Variants in EVA1C observed in about 807,000 individuals in gnomAD.
EVA1C encodes protein eva-1 homolog C.
Under a neutral mutation model 45.4 loss-of-function variants are expected in EVA1C, and 25 were observed. The observed-to-expected ratio is 0.55, with a 90% CI of 0.40 to 0.77. The LOEUF (loss-of-function observed/expected upper bound fraction) is 0.77. Among genes scored for constraint, EVA1C ranks in the 30% least tolerant of loss-of-function variants. The probability of loss-of-function intolerance (pLI) is 0.00; values close to 1 mark genes in which losing one functional copy is unlikely to be tolerated. For synonymous variants in EVA1C, 190 were observed against 221.2 expected, an observed-to-expected ratio of 0.86 and a Z score of 1.25; for missense variants, 479 against 554.8, an observed-to-expected ratio of 0.86 and a Z score of 1.37.
At chr21:32,468,875 A>T (rs2036276460) in intron 4 of EVA1C, among the ~76,000 whole-genome samples, 1 of 152,134 alleles carries the variant, frequency 6.6e-6, no homozygotes, top group African/African-American at 2.4e-5. Context: ...GTTGACACTC[A>T]CTATTAACCA....
At chr21:32,511,419 C>CAAAAAAAAAAAAA (rs749141703) in intron 7 of EVA1C, among the ~76,000 whole-genome samples, 7 of 47,546 alleles carry the variant, frequency 1.5e-4, no homozygotes, top group East Asian at 6.3e-4. Flanking sequence ...AACTCCGTCT[C>CAAAAAAAAAAAAA]AAAAAAAAAA....
intron 1 of EVA1C, among the ~76,000 whole-genome samples, chr21:32,446,165 C>T (rs542780063): frequency 2.1e-4 from 32 of 152,108 alleles, no homozygotes; most frequent in Non-Finnish European, 3.8e-4. Context: ...ATTGCTTGAA[C>T]CTGGGAGGCG....
In EVA1C at chr21:32,502,775, C is replaced by G. The variant is rs549928543; in HGVS notation, c.860-1151C>G. Among the ~76,000 whole-genome samples the G allele has an allele frequency of 2.0e-5, 3 of 152,256 alleles. No homozygotes were observed. The East Asian group carries it at 5.8e-4, about 29-fold the overall frequency. ...GTGTTCCTTAGCTCCTCTTCTCTTT[C>G]TTTTAACTAATTAATTAACTATTAT... is the stretch of plus-strand genomic sequence containing the variant. On this transcript the variant is annotated intron_variant, in intron 6 of 7. Transcript: ENST00000300255.
intron 1 of EVA1C, among the ~76,000 whole-genome samples, chr21:32,443,914 C>A (rs1046405570): frequency 2.0e-5 from 3 of 152,100 alleles, no homozygotes; most frequent in Non-Finnish European, 4.4e-5. Context: ...TGACTTCATA[C>A]CATGGGTGAC....
At chr21:32,480,703 C>T (rs995594899) in intron 4 of EVA1C, among the ~76,000 whole-genome samples, 14 of 152,054 alleles carry the variant, frequency 9.2e-5, no homozygotes, top group African/African-American at 2.4e-4. Flanking sequence ...TGGCTCACGC[C>T]TATAATCCCA....
intron 7 of EVA1C, among the ~76,000 whole-genome samples, chr21:32,510,310 C>T (rs1438748791): frequency 6.6e-6 from 1 of 152,104 alleles, no homozygotes; most frequent in Non-Finnish European, 1.5e-5. Context: ...CCACCTCAGC[C>T]TCCCAAACTG....
intron 1 of EVA1C, among the ~76,000 whole-genome samples, chr21:32,418,718 G>A (rs1031285009): frequency 2.0e-5 from 3 of 151,624 alleles, no homozygotes; most frequent in Non-Finnish European, 4.4e-5. Context: ...TGGGGACTTC[G>A]CCTGCAAGGG....
intron 1 of EVA1C, among the ~76,000 whole-genome samples, chr21:32,451,217 A>G (rs1165875688): frequency 6.6e-6 from 1 of 152,160 alleles, no homozygotes; most frequent in Non-Finnish European, 1.5e-5. Context: ...CACACAGGTC[A>G]TCGAGCAGGA....
Position 32,499,951 on chromosome 21 carries a change from G to A in EVA1C, c.779-1464G>A, listed in dbSNP as rs2037473974. ...TCTGAAACCACCTTCAGAGGAGTCG[G>A]TCACGCTGCCATCCTCTCTGCATCT... On this transcript the variant is annotated intron_variant, in intron 5 of 7. Coordinates refer to ENST00000300255, the MANE Select transcript of EVA1C (RefSeq NM_058187.5). 3.3e-5 allele frequency among the ~76,000 whole-genome samples: 5 copies of A among 152,150 alleles called. No homozygotes were observed. The South Asian group carries it at 1.0e-3, about 32-fold the overall frequency.
intron 4 of EVA1C, among the ~76,000 whole-genome samples, chr21:32,475,571 C>T (rs2036525794): frequency 1.3e-5 from 2 of 150,420 alleles, no homozygotes; most frequent in Admixed American, 1.3e-4. Flanking sequence ...CCTTATTTTC[C>T]TTTGCTTTAT....
rs371228766 is a variant in EVA1C at position 32,515,291 on chromosome 21, C to T, written c.*101C>T. The T allele has an allele frequency of 2.7e-5, 35 of 1,312,456 alleles. No homozygotes were observed. Among genetic ancestry groups the T allele is most frequent in the East Asian group, 1.9e-4 (8 of 42,586 alleles). The allele number at this position is 1,312,456 out of a possible 1,614,324, so 81.3% of individuals were successfully genotyped here. Reference sequence around the variant, plus strand: ...CCTGTACCTTCTATGAAGGAGAATTCGTCATGTCATTCAACACTCGTGAGG... The same window carrying T: ...CCTGTACCTTCTATGAAGGAGAATTTGTCATGTCATTCAACACTCGTGAGG... On this transcript the variant is annotated 3_prime_UTR_variant, in exon 8 of 8. Transcript: ENST00000300255.
chr21:32,510,769 T>A (rs2146472632), intron 7 of EVA1C, among the ~76,000 whole-genome samples: 1 of 152,326 alleles, frequency 6.6e-6, no homozygotes, highest in African/African-American at 2.4e-5. Context: ...ATGCCATGGC[T>A]CACACCTGTA....
intron 4 of EVA1C, among the ~76,000 whole-genome samples, chr21:32,470,551 G>A (rs559518032): frequency 7.9e-5 from 12 of 152,290 alleles, no homozygotes; most frequent in African/African-American, 2.6e-4. Context: ...GTTGACTTGT[G>A]AGCTCCTGAA....
chr21:32,510,043 CTTTTTTTT>C (rs58017017), intron 7 of EVA1C, among the ~76,000 whole-genome samples: 11 of 114,522 alleles, frequency 9.6e-5, no homozygotes, highest in East Asian at 6.9e-4. Context: ...TCCGACATTC[CTTTTTTTT>C]TTTTTTTTTT....
At chr21:32,421,516 G>C (rs931846547) in intron 1 of EVA1C, among the ~76,000 whole-genome samples, 5 of 152,110 alleles carry the variant, frequency 3.3e-5, no homozygotes. Flanking sequence ...GGAGAGTCTG[G>C]GTTTTGAATT....
At chr21:32,487,322 A>G (rs1001633889) in intron 4 of EVA1C, among the ~76,000 whole-genome samples, 2 of 152,172 alleles carry the variant, frequency 1.3e-5, no homozygotes, top group African/African-American at 4.8e-5. Flanking sequence ...TCCATCACCA[A>G]TGGTCAATGA....
chr21:32,473,350 T>C (rs2036443974), intron 4 of EVA1C, among the ~76,000 whole-genome samples: 1 of 152,210 alleles, frequency 6.6e-6, no homozygotes, highest in Non-Finnish European at 1.5e-5. Flanking sequence ...AAAGGGACCA[T>C]TGTCGGGCCA....
intron 4 of EVA1C, among the ~76,000 whole-genome samples, chr21:32,483,226 C>A (rs180992519): frequency 6.6e-6 from 1 of 152,214 alleles, no homozygotes; most frequent in East Asian, 1.9e-4. Context: ...CATCCCATTC[C>A]CACCTTTGCA....
At chr21:32,423,605 T>A (rs2034374794) in intron 1 of EVA1C, among the ~76,000 whole-genome samples, 1 of 152,036 alleles carries the variant, frequency 6.6e-6, no homozygotes, top group South Asian at 2.1e-4. Flanking sequence ...ACCTACTAGA[T>A]GACTCTGGCT....
Sources: gnomAD v4.1 joint callset for allele counts (sites outside exome capture counted in the v4.1 genomes callset) on GRCh38, gnomAD v4.1.1 for gene constraint, MANE v1.5 for transcripts, NCBI Gene and HGNC (gene_info 2026-07-23, HGNC 2026-07-21) for gene names.